Variants in NLGN1 observed in about 807,000 individuals in gnomAD.
NLGN1 encodes neuroligin-1.
NLGN1 carries 12 observed loss-of-function variants against 65.5 expected under a neutral mutation model. That is an observed-to-expected ratio of 0.18 (90% CI 0.12 to 0.30). The LOEUF (loss-of-function observed/expected upper bound fraction) is 0.30. Among genes scored for constraint, NLGN1 ranks in the 10% least tolerant of loss-of-function variants. The pLI is 1.00. For missense variants in NLGN1, 750 were observed against 1,007.1 expected (o/e 0.74, Z 3.46); for synonymous variants, 350 against 359.5 (o/e 0.97, Z 0.30).
chr3:174,272,970 T>C (rs1159500891), intron 4 of NLGN1, among the ~76,000 whole-genome samples: 1 of 151,620 alleles, frequency 6.6e-6, no homozygotes, highest in Admixed American at 6.6e-5. Context: ...CTTTAGACTG[T>C]ATATAAAGTA....
At chr3:173,736,362 A>G (rs1015650850) in intron 3 of NLGN1, among the ~76,000 whole-genome samples, 2 of 152,058 alleles carry the variant, frequency 1.3e-5, no homozygotes, top group Non-Finnish European at 2.9e-5. Context: ...AAATGTGATC[A>G]CTAAGTTTAG....
intron 3 of NLGN1, among the ~76,000 whole-genome samples, chr3:173,798,759 A>G (rs1388242926): frequency 2.0e-5 from 3 of 152,060 alleles, no homozygotes; most frequent in Non-Finnish European, 4.4e-5. Flanking sequence ...TGACCTTTCA[A>G]TTGAGGTAGT....
chr3:174,218,712 C>T (rs991668940), intron 4 of NLGN1, among the ~76,000 whole-genome samples: 14 of 151,982 alleles, frequency 9.2e-5, no homozygotes, highest in Non-Finnish European at 1.6e-4. Flanking sequence ...TTTGTTGAGC[C>T]GAATATCAGA....
chr3:173,469,960 T>C (rs1725047523), intron 2 of NLGN1, among the ~76,000 whole-genome samples: 2 of 150,726 alleles, frequency 1.3e-5, no homozygotes, highest in Admixed American at 6.7e-5. Context: ...ATATAATAAT[T>C]ATACTTTTAT....
At chr3:173,436,916 C>T (rs1205559547) in intron 2 of NLGN1, among the ~76,000 whole-genome samples, 4 of 152,194 alleles carry the variant, frequency 2.6e-5, no homozygotes, top group Admixed American at 2.6e-4. Context: ...TTCTCTTGCC[C>T]TTAGGCCAGT....
At chr3:173,653,932 T>C (rs1219054791) in intron 3 of NLGN1, among the ~76,000 whole-genome samples, 1 of 152,122 alleles carries the variant, frequency 6.6e-6, no homozygotes, top group Non-Finnish European at 1.5e-5. Context: ...CAGGAGCCAA[T>C]TATCCTTGTC....
At chr3:173,661,714 CATAACT>C (rs1212388716) in intron 3 of NLGN1, among the ~76,000 whole-genome samples, 6 of 151,958 alleles carry the variant, frequency 3.9e-5, no homozygotes, top group African/African-American at 1.4e-4. Flanking sequence ...AGTTACAATT[CATAACT>C]ATAAACAATA....
At chr3:173,415,845 A>C (rs543885611) in intron 1 of NLGN1, among the ~76,000 whole-genome samples, 11 of 150,492 alleles carry the variant, frequency 7.3e-5, no homozygotes, top group Non-Finnish European at 1.2e-4. Flanking sequence ...CCTATTGATA[A>C]AGGGAGATAA....
chr3:174,012,009 C>T, intron 4 of NLGN1, among the ~76,000 whole-genome samples: 1 of 152,182 alleles, frequency 6.6e-6, no homozygotes, highest in South Asian at 2.1e-4. Context: ...AAGACCACAA[C>T]TTCTCCTCAA....
intron 2 of NLGN1, among the ~76,000 whole-genome samples, chr3:173,537,780 C>T (rs1737699757): frequency 6.6e-6 from 1 of 152,112 alleles, no homozygotes; most frequent in Admixed American, 6.6e-5. Context: ...TGACTTTATG[C>T]ACAGGACATA....
At chr3:173,431,718 C>T (rs749959380) in intron 1 of NLGN1, among the ~76,000 whole-genome samples, 11 of 152,122 alleles carry the variant, frequency 7.2e-5, no homozygotes, top group Non-Finnish European at 1.5e-4. Flanking sequence ...TCCACATTGA[C>T]ACATCATTAT....
At chr3:173,490,092 T>G (rs1185468069) in intron 2 of NLGN1, among the ~76,000 whole-genome samples, 1 of 152,112 alleles carries the variant, frequency 6.6e-6, no homozygotes, top group South Asian at 2.1e-4. Flanking sequence ...TAGTTTAATT[T>G]GATCCCACTT....
chr3:173,668,208 T>C (rs1761976571), intron 3 of NLGN1, among the ~76,000 whole-genome samples: 1 of 152,158 alleles, frequency 6.6e-6, no homozygotes, highest in African/African-American at 2.4e-5. Flanking sequence ...AGGGAGAATC[T>C]AACTAGACTT....
chr3:174,224,909 G>A (rs1029580315), intron 4 of NLGN1, among the ~76,000 whole-genome samples: 3 of 152,178 alleles, frequency 2.0e-5, no homozygotes, highest in African/African-American at 7.2e-5. Flanking sequence ...ATAAGCCAAA[G>A]AGGTCAACTG....
At chr3:173,511,150 C>T (rs58017904) in intron 2 of NLGN1, among the ~76,000 whole-genome samples, 1,975 of 152,298 alleles carry the variant, frequency 0.013, 39 homozygotes, top group African/African-American at 0.045. Context: ...AAAAGCCCAG[C>T]TATTCCTTTA....
intron 3 of NLGN1, among the ~76,000 whole-genome samples, chr3:173,618,835 G>T (rs926826139): frequency 6.6e-6 from 1 of 152,008 alleles, no homozygotes; most frequent in Non-Finnish European, 1.5e-5. Flanking sequence ...GATAAAGCTG[G>T]CAGTGAGAGA....
intron 2 of NLGN1, among the ~76,000 whole-genome samples, chr3:173,501,079 CAG>C (rs1731033815): frequency 6.6e-6 from 1 of 152,042 alleles, no homozygotes; most frequent in Admixed American, 6.6e-5. Context: ...CAAGATATCT[CAG>C]AGTTTTATGT....
At chr3:173,543,564 G>A (rs1353188061) in intron 2 of NLGN1, among the ~76,000 whole-genome samples, 1 of 152,046 alleles carries the variant, frequency 6.6e-6, no homozygotes, top group Non-Finnish European at 1.5e-5. Context: ...GATAGCAAGC[G>A]TATTCTAATA....
intron 2 of NLGN1, among the ~76,000 whole-genome samples, chr3:173,477,127 G>A (rs1469410838): frequency 6.6e-6 from 1 of 152,144 alleles, no homozygotes; most frequent in Non-Finnish European, 1.5e-5. Flanking sequence ...ATCTGGACTA[G>A]AAATGGGATG....
Sources: allele counts gnomAD v4.1 joint callset (sites outside exome capture counted in the v4.1 genomes callset), GRCh38; gene constraint gnomAD v4.1.1; transcripts MANE v1.5; gene names NCBI Gene and HGNC (gene_info 2026-07-23, HGNC 2026-07-21).